STAT5B: variants seen among roughly 807,000 people sequenced by gnomAD.
STAT5B encodes the protein transcription factor STAT5B.
In STAT5B, 21 loss-of-function variants were observed where a neutral mutation model predicts 107.8. That is an observed-to-expected ratio of 0.19 (90% confidence interval 0.14 to 0.28). The LOEUF (loss-of-function observed/expected upper bound fraction) is 0.28. Among genes scored for constraint, STAT5B ranks in the 10% least tolerant of loss-of-function variants. The pLI is 1.00. For synonymous variants in STAT5B, 325 were observed against 401.7 expected (o/e 0.81, Z 2.28); for missense variants, 565 against 1,008.2 (o/e 0.56, Z 5.95).
rs539914637 is a variant in STAT5B, at chr17:42,208,277, G to A, written c.1907-549C>T. Reference sequence around the variant, plus strand: ...ACACTTTTGGAGGCCTAGGCAGGTGGATCACCTGAGGTCAGGAGTTCAAGA... The same window carrying A: ...ACACTTTTGGAGGCCTAGGCAGGTGAATCACCTGAGGTCAGGAGTTCAAGA... On this transcript the variant is annotated intron_variant, in intron 15 of 18. Transcript: ENST00000293328. Among the ~76,000 whole-genome samples the A allele has an allele frequency of 1.6e-3, 242 of 152,074 alleles. 2 individuals are homozygous for A. Among genetic ancestry groups the A allele is most frequent in the African/African-American group, 5.6e-3 (233 of 41,542 alleles).
intron 1 of STAT5B, among the ~76,000 whole-genome samples, chr17:42,250,369 A>T (rs1346196592): frequency 1.3e-5 from 2 of 152,144 alleles, no homozygotes; most frequent in Non-Finnish European, 2.9e-5. Context: ...TTAGTTTGTT[A>T]TGTTAAATTA....
chr17:42,202,059 C>A (rs1445968091), intron 18 of STAT5B, 195 bp from the exon 19 acceptor site: 5 of 643,242 alleles, frequency 7.8e-6, no homozygotes, highest in Admixed American at 5.5e-5. Flanking sequence ...TTACCTCTCA[C>A]ACCGGCTGTC....
chr17:42,274,281 C>CA (rs534342062), intron 1 of STAT5B, among the ~76,000 whole-genome samples: 1,489 of 62,482 alleles, frequency 0.024, 72 homozygotes, highest in Middle Eastern at 0.06. Context: ...GTTTGCTTTA[C>CA]AAAAAAAAAA....
At chr17:42,253,000 G>A (rs1486617917) in intron 1 of STAT5B, among the ~76,000 whole-genome samples, 2 of 152,186 alleles carry the variant, frequency 1.3e-5, no homozygotes, top group Admixed American at 1.3e-4. Flanking sequence ...AATCCAGAAA[G>A]ATTTATGATT....
the STAT5B span, among the ~76,000 whole-genome samples, chr17:42,284,314 T>A: frequency 6.6e-6 from 1 of 151,882 alleles, no homozygotes; most frequent in Non-Finnish European, 1.5e-5. Flanking sequence ...TTGCCCAGGC[T>A]GGAGTGCAAC....
At chr17:42,221,018 C>T (rs544522304) in intron 5 of STAT5B, among the ~76,000 whole-genome samples, 221 of 152,098 alleles carry the variant, frequency 1.5e-3, no homozygotes, top group Non-Finnish European at 1.7e-3. Context: ...AGAAGATGCG[C>T]GCACCAGCAT....
In STAT5B at chr17:42,206,725, G is replaced by A. The variant is rs893547512; in HGVS notation, c.2077+833C>T. On this transcript the variant is annotated intron_variant, in intron 16 of 18. Transcript: ENST00000293328. ...CGAGTAGCTGGGATTACAGGCATGC[G>A]CCACCATGCCAGGCTAATTTTGTAT... Among the ~76,000 whole-genome samples the A allele has an allele frequency of 2.0e-5, 3 of 151,620 alleles. No individual in the cohort carries two copies. In the East Asian group the frequency reaches 5.9e-4, roughly 30 times the overall value.
intron 1 of STAT5B, among the ~76,000 whole-genome samples, chr17:42,233,624 G>A (rs2144302346): frequency 6.6e-6 from 1 of 152,072 alleles, no homozygotes; most frequent in South Asian, 2.1e-4. Flanking sequence ...CCGAGTGGCT[G>A]GGACTACAGG....
intron 1 of STAT5B, among the ~76,000 whole-genome samples, chr17:42,273,753 T>A (rs2080740417): frequency 6.6e-6 from 1 of 152,174 alleles, no homozygotes; most frequent in Admixed American, 6.5e-5. Flanking sequence ...CCTACCTACA[T>A]AACAACAAGC....
At chr17:42,276,412 C>T (rs1468868763), upstream of STAT5B, 1 of 147,226 alleles carries the variant, frequency 6.8e-6, no homozygotes, top group Non-Finnish European at 1.5e-5. The surrounding 1 kb of genome is among the most constrained non-coding windows in gnomAD (Gnocchi z 4.8). Flanking sequence ...CCGCCGGGGC[C>T]CGCGGGGGCG....
chr17:42,227,437 C>T, intron 3 of STAT5B, 92 bp downstream of exon 3: 3 of 1,545,580 alleles, frequency 1.9e-6, no homozygotes, highest in South Asian at 1.2e-5. Context: ...TGTAACTCAA[C>T]AATGCTGGAC....
Position 42,235,634 on chromosome 17 carries a change from C to G in STAT5B, c.-10-3497G>C, listed in dbSNP as rs185603087. Among the ~76,000 whole-genome samples, 232 of 152,188 alleles carry G rather than the reference C, an allele frequency of 1.5e-3. 2 individuals carry two copies. Among genetic ancestry groups the G allele is most frequent in the African/African-American group, 5.4e-3 (223 of 41,530 alleles). ...CTGGGACTACAGGCACACACCGCCA[C>G]GCCCAGCTAAGTTTTGTATTTTTAG... On this transcript the variant is annotated intron_variant, in intron 1 of 18. Transcript: ENST00000293328.
intron 1 of STAT5B, among the ~76,000 whole-genome samples, chr17:42,272,922 T>C (rs2080732697): frequency 1.3e-5 from 2 of 152,222 alleles, no homozygotes; most frequent in Non-Finnish European, 2.9e-5. Flanking sequence ...ATTGCTCTTC[T>C]CTTTTGATTA....
chr17:42,252,844 A>C (rs2080511142), intron 1 of STAT5B, among the ~76,000 whole-genome samples: 1 of 152,250 alleles, frequency 6.6e-6, no homozygotes, highest in African/African-American at 2.4e-5. Flanking sequence ...GATGATGCTA[A>C]GATGAGCTAA....
At chr17:42,226,435 A>G (rs1315908608) in intron 3 of STAT5B, among the ~76,000 whole-genome samples, 2 of 152,174 alleles carry the variant, frequency 1.3e-5, no homozygotes, top group African/African-American at 4.8e-5. Flanking sequence ...ATGAGTACCT[A>G]AAAGTATTAT....
chr17:42,250,825 G>A (rs1027718935), intron 1 of STAT5B, among the ~76,000 whole-genome samples: 19 of 151,630 alleles, frequency 1.3e-4, no homozygotes, highest in African/African-American at 4.4e-4. Context: ...TCGGGAGGCT[G>A]AGGCAGGAGA....
chr17:42,205,178 C>A (rs1042433779), intron 16 of STAT5B, among the ~76,000 whole-genome samples: 2 of 151,980 alleles, frequency 1.3e-5, no homozygotes, highest in African/African-American at 4.8e-5. Flanking sequence ...CAGGTACCTG[C>A]CACCATGCCC....
chr17:42,258,674 G>A (rs187159854), intron 1 of STAT5B, among the ~76,000 whole-genome samples: 207 of 152,320 alleles, frequency 1.4e-3, no homozygotes, highest in African/African-American at 4.9e-3. Context: ...GCGAGACTCC[G>A]TCTCAAAACA....
intron 10 of STAT5B, 28 bp from the exon 11 acceptor site, chr17:42,217,310 G>C: frequency 1.2e-6 from 2 of 1,614,178 alleles, no homozygotes; most frequent in Non-Finnish European, 8.5e-7. Flanking sequence ...AAGATGAAAC[G>C]TAAGATATAA....
Sources: gnomAD v4.1 joint callset for allele counts (sites outside exome capture counted in the v4.1 genomes callset) on GRCh38, gnomAD v4.1.1 for gene constraint, Gnocchi (gnomAD v3.1) non-coding constraint, MANE v1.5 for transcripts, NCBI Gene and HGNC (gene_info 2026-07-23, HGNC 2026-07-21) for gene names.